SGK1: variants seen among roughly 807,000 people sequenced by gnomAD.
SGK1 encodes the protein serum/glucocorticoid regulated kinase 1.
Under a neutral mutation model 64.2 loss-of-function variants are expected in SGK1, and 26 were observed. The observed-to-expected ratio is 0.40, with a 90% confidence interval of 0.30 to 0.56. SGK1 has a LOEUF of 0.56. SGK1 is among the 20% of genes least tolerant of loss of function. The pLI, the probability that SGK1 is intolerant of heterozygous loss-of-function variation, is 0.38. For synonymous variants in SGK1, 265 were observed against 239.7 expected (o/e 1.11, Z -0.98); for missense variants, 519 against 645.6 (o/e 0.80, Z 2.12).
At position 134,171,067 on chromosome 6, in the gene SGK1, G is replaced by A; in HGVS notation, c.1279C>T (p.Leu427=). The change falls in exon 12 of 14, where the codon CTG becomes TTG. Residue 427 remains leucine (L), a synonymous_variant. Transcript: ENST00000367858. ...AGCCGCTTTGTCCTGTCCTTCTGCA[G>A]GAGGCCCTCCAGGAGGTGTCTTGCG... ...NSARHLLEGL[L]QKDRTKRLGA... The A allele has an allele frequency of 6.2e-7, 1 of 1,614,134 alleles. No homozygotes were observed. Among genetic ancestry groups the A allele is most frequent in the Non-Finnish European group, 8.5e-7 (1 of 1,180,014 alleles).
chr6:134,297,397 C>A (rs779852566), intron 1 of SGK1: 44 of 765,668 alleles, frequency 5.7e-5, no homozygotes, highest in Non-Finnish European at 4.8e-5. Flanking sequence ...ACAGCCAGCT[C>A]CCCATGCTGC....
intron 3 of SGK1, chr6:134,174,995 G>C: frequency 8.4e-7 from 1 of 1,192,750 alleles, no homozygotes; most frequent in Non-Finnish European, 1.1e-6. Flanking sequence ...GTTTGCTGGC[G>C]GCTACGCTGC....
chr6:134,297,880 A>C, intron 1 of SGK1: 1 of 798,300 alleles, frequency 1.3e-6, no homozygotes, highest in Admixed American at 1.7e-5. Flanking sequence ...TTGATCTGGT[A>C]CATGCTCTCA....
intron 2 of SGK1, chr6:134,218,798 A>T (rs927736411): frequency 1.3e-5 from 2 of 152,158 alleles, no homozygotes; most frequent in Admixed American, 6.6e-5. Flanking sequence ...GTACGGACAC[A>T]TGAGTAAGGA....
At chr6:134,204,971 T>G (rs60783700) in intron 3 of SGK1, among the ~76,000 whole-genome samples, 4,230 of 115,364 alleles carry the variant, frequency 0.037, 184 homozygotes, top group African/African-American at 0.12. Context: ...CTTTCTTTCT[T>G]TTTCTTTCTT....
At chr6:134,246,593 G>GTATT (rs1441651158) in intron 2 of SGK1, among the ~76,000 whole-genome samples, 4 of 151,876 alleles carry the variant, frequency 2.6e-5, no homozygotes, top group Non-Finnish European at 5.9e-5. Flanking sequence ...ATTTGTATTT[G>GTATT]TATTTATTTA....
At chr6:134,247,962 C>A (rs746723625) in intron 2 of SGK1, among the ~76,000 whole-genome samples, 2 of 151,936 alleles carry the variant, frequency 1.3e-5, no homozygotes, top group Non-Finnish European at 2.9e-5. Flanking sequence ...TAGATTTAAT[C>A]CATGAAATAA....
At chr6:134,241,231 G>C (rs1248271132) in intron 2 of SGK1, among the ~76,000 whole-genome samples, 2 of 151,774 alleles carry the variant, frequency 1.3e-5, no homozygotes, top group Non-Finnish European at 2.9e-5. Flanking sequence ...TATATTTTCT[G>C]TAGAGATAGG....
chr6:134,288,469 G>A lies in SGK1; in HGVS notation c.70-26321C>T, dbSNP rs191936025. Reference sequence around the variant, plus strand: ...GTTTAAAACTAAACATCTTTTCCAAGGGTAAAACATAAAATCCTTGAAATT... The same window carrying A: ...GTTTAAAACTAAACATCTTTTCCAAAGGTAAAACATAAAATCCTTGAAATT... On this transcript the variant is annotated intron_variant, in intron 1 of 13. Transcript: ENST00000367858. Among the ~76,000 whole-genome samples, 20 of 152,268 alleles carry A rather than the reference G, an allele frequency of 1.3e-4. No individual in the cohort carries two copies. In the East Asian group the frequency reaches 3.9e-3, roughly 29 times the overall value.
intron 3 of SGK1, among the ~76,000 whole-genome samples, chr6:134,196,762 T>C (rs1163768290): frequency 1.3e-5 from 2 of 152,236 alleles, no homozygotes; most frequent in African/African-American, 4.8e-5. Context: ...AAGTACGGGA[T>C]GCCAAAAACC....
At chr6:134,216,791 A>G (rs1775993175) in intron 2 of SGK1, among the ~76,000 whole-genome samples, 1 of 152,240 alleles carries the variant, frequency 6.6e-6, no homozygotes, top group South Asian at 2.1e-4. Flanking sequence ...GGGAGGAAGT[A>G]GAACCTGAAC....
In SGK1 at chr6:134,307,457, C is replaced by T. The variant is rs145468524; in HGVS notation, c.69+9935G>A. On this transcript the variant is annotated intron_variant, in intron 1 of 13. Transcript: ENST00000367858. The stretch of plus-strand genomic sequence containing the variant: ...TACTACAATTGTCCCTCAGTCTCTG[C>T]GGGGGATTGATTCCAGGACCCCTGC... 1.5e-3 allele frequency among the ~76,000 whole-genome samples: 234 copies of T among 152,266 alleles called. 1 individual carries two copies. Among genetic ancestry groups the T allele is most frequent in the African/African-American group, 5.2e-3 (214 of 41,546 alleles).
At chr6:134,295,089 A>C (rs1266859816) in intron 1 of SGK1, among the ~76,000 whole-genome samples, 1 of 152,116 alleles carries the variant, frequency 6.6e-6, no homozygotes, top group African/African-American at 2.4e-5. Context: ...TTTTTCATCC[A>C]AGTTCTGAAT....
At chr6:134,278,479 T>A (rs1195930748) in intron 1 of SGK1, among the ~76,000 whole-genome samples, 1 of 152,240 alleles carries the variant, frequency 6.6e-6, no homozygotes, top group Non-Finnish European at 1.5e-5. Context: ...TCTCTGATGT[T>A]ACTGCTTGTT....
chr6:134,240,817 G>T (rs1357289020), intron 2 of SGK1, among the ~76,000 whole-genome samples: 2 of 152,178 alleles, frequency 1.3e-5, no homozygotes, highest in Admixed American at 6.5e-5. Flanking sequence ...TGTCTTCGAG[G>T]TTAGTAGATG....
intron 1 of SGK1, among the ~76,000 whole-genome samples, chr6:134,316,575 C>G (rs1455535478): frequency 1.3e-5 from 2 of 151,964 alleles, no homozygotes; most frequent in African/African-American, 4.8e-5. Context: ...TCCCAGTGAA[C>G]TGAGTTTATT....
intron 2 of SGK1, chr6:134,249,431 G>A (rs1776573560): frequency 6.6e-6 from 1 of 152,142 alleles, no homozygotes; most frequent in African/African-American, 2.4e-5. Context: ...ATCTGTCTGG[G>A]CTTCTCTTCC....
chr6:134,187,084 G>A (rs1347366506), intron 3 of SGK1, among the ~76,000 whole-genome samples: 1 of 151,982 alleles, frequency 6.6e-6, no homozygotes. Flanking sequence ...CCAAAGTTCT[G>A]GGATTTCAGG....
Position 134,262,069 on chromosome 6 carries a change from A to T in SGK1, c.149T>A (p.Met50Lys), listed in dbSNP as rs768922865. ...SPSLKYTGSS[M>K]VHIPPGEPDF... ...TGGCTCCCCTGGAGGGATGTGCACC[A>T]TGGAGGAGCCGGTGTACTTCAGGCT... The change falls in exon 2 of 14, where the codon ATG becomes AAG. Residue 50 changes from methionine to lysine, a missense_variant. This residue lies in a region of SGK1 where 241 missense variants were observed against 236.9 expected (regional missense o/e 1.02). Transcript: ENST00000367858. 1 of 1,613,710 alleles carries T rather than the reference A, an allele frequency of 6.2e-7. No individual in the cohort carries two copies. The highest frequency in any genetic ancestry group is 8.5e-7 in the Non-Finnish European group (1 of 1,179,612).
Sources: gnomAD v4.1 joint callset for allele counts (sites outside exome capture counted in the v4.1 genomes callset) on GRCh38, gnomAD v4.1.1 for gene constraint, gnomAD v4.1.1 regional missense constraint, MANE v1.5 for transcripts, NCBI Gene and HGNC (gene_info 2026-07-23, HGNC 2026-07-21) for gene names.